Variants in PCDHGB2 observed in about 807,000 individuals in gnomAD.
PCDHGB2 encodes protocadherin gamma subfamily B, 2.
In PCDHGB2, 55 loss-of-function variants were observed where a neutral mutation model predicts 59.3. The observed-to-expected ratio is 0.93, with a 90% CI of 0.75 to 1.16. The LOEUF (loss-of-function observed/expected upper bound fraction) is 1.16. PCDHGB2 is among the 50% of genes most tolerant of loss of function. The probability of loss-of-function intolerance (pLI) is 0.00; values close to 1 mark genes in which losing one functional copy is unlikely to be tolerated. For synonymous variants in PCDHGB2, 516 were observed against 512.0 expected (o/e 1.01, Z -0.11); for missense variants, 1,228 against 1,198.5 (o/e 1.02, Z -0.36).
Position 141,485,844 on chromosome 5 carries a change from G to A in PCDHGB2, c.2422-8963G>A, listed in dbSNP as rs201857404. On this transcript the variant is annotated intron_variant, in intron 1 of 3. Transcript: ENST00000522605. The surrounding 1 kb of genome is among the most constrained non-coding windows in gnomAD (Gnocchi z 5.7). ...GATGGAGGGAACCCGCCGAGATCTGGCACCGCAGAGCTCCGGGTATCCGTG... is the reference window on the plus strand; with the variant it reads ...GATGGAGGGAACCCGCCGAGATCTGACACCGCAGAGCTCCGGGTATCCGTG... 6 of 1,613,890 alleles carry A rather than the reference G, an allele frequency of 3.7e-6. No homozygotes were observed. In the East Asian group the frequency reaches 1.1e-4, roughly 30 times the overall value.
chr5:141,394,395 C>G (rs1238779909), intron 1 of PCDHGB2: 2 of 1,614,146 alleles, frequency 1.2e-6, no homozygotes, highest in Non-Finnish European at 1.7e-6. Context: ...GATCCGAGAC[C>G]TGCAGCTACT....
chr5:141,491,379 A>G lies in PCDHGB2; in HGVS notation c.2422-3428A>G, dbSNP rs140150079. 423 of 1,613,968 alleles carry G rather than the reference A, an allele frequency of 2.6e-4. No homozygotes were observed. Among genetic ancestry groups the G allele is most frequent in the Non-Finnish European group, 3.0e-4 (359 of 1,179,986 alleles). On this transcript the variant is annotated intron_variant, in intron 1 of 3. Transcript: ENST00000522605. The surrounding 1 kb of genome is among the most constrained non-coding windows in gnomAD (Gnocchi z 6.9). ...CCCTAGTCACCTTCACCTTTCTGTC[A>G]GCGAAGTGCCTTCAGGGAAACGCAG...
At chr5:141,381,878 G>A (rs1777712402) in intron 1 of PCDHGB2, among the ~76,000 whole-genome samples, 2 of 129,172 alleles carry the variant, frequency 1.5e-5, no homozygotes, top group South Asian at 4.9e-4. Flanking sequence ...TGTCCAGGCT[G>A]GAGTGCAATG....
intron 1 of PCDHGB2, among the ~76,000 whole-genome samples, chr5:141,368,072 C>G (rs1432840614): frequency 6.6e-6 from 1 of 152,176 alleles, no homozygotes; most frequent in Non-Finnish European, 1.5e-5. Context: ...TATTTCCCTT[C>G]TGCATCTGAT....
chr5:141,388,791 A>C (rs1247299397), intron 1 of PCDHGB2: 1 of 1,613,810 alleles, frequency 6.2e-7, no homozygotes, highest in Admixed American at 1.7e-5. Flanking sequence ...TACTGTTTTA[A>C]ATACATTAGA....
chr5:141,460,983 G>A (rs12516231), intron 1 of PCDHGB2, among the ~76,000 whole-genome samples: 37,603 of 137,412 alleles, frequency 0.27, 5,103 homozygotes, highest in Admixed American at 0.34. Flanking sequence ...GTGTGTGTGT[G>A]TATATATATA....
intron 1 of PCDHGB2, among the ~76,000 whole-genome samples, chr5:141,444,732 A>G (rs2098445644): frequency 6.6e-6 from 1 of 152,194 alleles, no homozygotes; most frequent in Admixed American, 6.6e-5. Context: ...CTTTGTTGAA[A>G]GTCATTTCAC....
intron 1 of PCDHGB2, chr5:141,373,829 A>T: frequency 2.5e-6 from 1 of 403,392 alleles, no homozygotes; most frequent in Non-Finnish European, 4.4e-6. Flanking sequence ...ACGATGCAGT[A>T]TTAAGTTAGG....
chr5:141,417,900 G>C, intron 1 of PCDHGB2: 2 of 1,583,452 alleles, frequency 1.3e-6, no homozygotes, highest in Non-Finnish European at 1.7e-6. Context: ...GCCGGCCCGC[G>C]GCAGGTACTA....
rs141514361 is a variant in PCDHGB2, at chr5:141,494,629, A to G, written c.2422-178A>G. 4,666 of 858,664 alleles carry G rather than the reference A, an allele frequency of 5.4e-3. 23 individuals are homozygous for G. Among genetic ancestry groups the G allele is most frequent in the Admixed American group, 0.011 (170 of 16,094 alleles). 53.2% of individuals were successfully genotyped at this position (858,664 alleles called of 1,614,324 possible). On this transcript the variant is annotated intron_variant, in intron 1 of 3. Coordinates refer to ENST00000522605, the MANE Select transcript of PCDHGB2 (RefSeq NM_018923.3). ...TATCTCTTGGTTTCTGGTACCTCAGACCTCTGAGACCTGAGGTGTATTTTG... is the reference window on the plus strand; with the variant it reads ...TATCTCTTGGTTTCTGGTACCTCAGGCCTCTGAGACCTGAGGTGTATTTTG...
chr5:141,494,948 G>C (rs909146), intron 2 of PCDHGB2, 83 bp downstream of exon 2: 1 of 1,608,226 alleles, frequency 6.2e-7, no homozygotes, highest in South Asian at 1.1e-5. Flanking sequence ...GGAGGGCCCA[G>C]CATTTGCTAC....
At chr5:141,364,290 G>A (rs745684468) in intron 1 of PCDHGB2, 1 of 1,518,718 alleles carries the variant, frequency 6.6e-7, no homozygotes, top group East Asian at 2.3e-5. Flanking sequence ...GAAACAGCAG[G>A]CTGAACCAGA....
chr5:141,414,376 T>G, intron 1 of PCDHGB2: 1 of 1,613,824 alleles, frequency 6.2e-7, no homozygotes, highest in Non-Finnish European at 8.5e-7. Flanking sequence ...ATTAGAAAAG[T>G]CCATTGACAG....
At chr5:141,394,660 T>G in intron 1 of PCDHGB2, 1 of 1,613,264 alleles carries the variant, frequency 6.2e-7, no homozygotes, top group East Asian at 2.2e-5. Context: ...GAGCCGGGAC[T>G]CTTCTCGGTG....
At chr5:141,422,181 G>A in intron 1 of PCDHGB2, 3 of 1,561,316 alleles carry the variant, frequency 1.9e-6, no homozygotes, top group Non-Finnish European at 2.6e-6. Flanking sequence ...TCTATGAGAT[G>A]GAAATTCAAG....
At chr5:141,430,076 T>C (rs2097260023) in intron 1 of PCDHGB2, among the ~76,000 whole-genome samples, 1 of 152,208 alleles carries the variant, frequency 6.6e-6, no homozygotes, top group South Asian at 2.1e-4. Context: ...GTTTCCATAA[T>C]ATCATGAAAA....
At chr5:141,364,466 G>T (rs1391136210) in intron 1 of PCDHGB2, 2 of 1,613,990 alleles carry the variant, frequency 1.2e-6, no homozygotes, top group Non-Finnish European at 1.7e-6. Context: ...CTCCTTCGTC[G>T]GCAACATAGC....
In PCDHGB2 at chr5:141,361,636, A is replaced by C. The variant is rs767493690; in HGVS notation, c.1501A>C (p.Ile501Leu). The change falls in exon 1 of 4, where the codon ATT becomes CTT. Residue 501 changes from isoleucine (I) to leucine (L), a missense_variant. Ile to Leu is a conservative substitution (Grantham distance 5, BLOSUM62 2). Transcript: ENST00000522605. The stretch of plus-strand genomic sequence containing the variant: ...AGCGAGCGACCTGAAGCCGCGGGAG[A>C]TTTTATCCTACGTGTCCGTGAGCGC... ...IVASDLKPREILSYVSVSAQS... is the reference protein window; with the variant it reads ...IVASDLKPRELLSYVSVSAQS... The C allele has an allele frequency of 3.1e-6, 5 of 1,613,756 alleles. No individual in the cohort carries two copies. Among genetic ancestry groups the C allele is most frequent in the East Asian group, 2.2e-5 (1 of 44,866 alleles).
Position 141,443,030 on chromosome 5 carries a change from C to A in PCDHGB2, c.2422-51777C>A, listed in dbSNP as rs147317486. ...ATATGACTAATGGAAGTTGCCAGAC[C>A]TAAACTTTGAAAATTATTGTTCCAC... On this transcript the variant is annotated intron_variant, in intron 1 of 3. Transcript: ENST00000522605. Among the ~76,000 whole-genome samples, 31 of 152,290 alleles carry A rather than the reference C, an allele frequency of 2.0e-4. No individual in the cohort carries two copies. The East Asian group carries it at 3.5e-3, about 17-fold the overall frequency.
Sources: gnomAD v4.1 joint callset for allele counts (sites outside exome capture counted in the v4.1 genomes callset) on GRCh38, gnomAD v4.1.1 for gene constraint, Gnocchi (gnomAD v3.1) non-coding constraint, MANE v1.5 for transcripts, NCBI Gene and HGNC (gene_info 2026-07-23, HGNC 2026-07-21) for gene names.